Variants in TKT observed in about 807,000 individuals in gnomAD.
TKT encodes epididymis luminal protein 107.
In TKT, 47 loss-of-function variants were observed where a neutral mutation model predicts 63.9. The ratio of observed to expected loss-of-function variants is 0.74; its 90% CI spans 0.58 to 0.94. TKT has a LOEUF of 0.94. TKT is among the 40% of genes least tolerant of loss of function. The pLI is 0.00. For missense variants in TKT, 721 were observed against 846.2 expected, an observed-to-expected ratio of 0.85 and a Z score of 1.84; for synonymous variants, 338 against 334.1, an observed-to-expected ratio of 1.01 and a Z score of -0.13.
intron 3 of TKT, 93 bp from the exon 4 acceptor site, chr3:53,240,441 C>A: frequency 8.3e-7 from 1 of 1,210,838 alleles, no homozygotes. Context: ...GCCCAGCAAG[C>A]CCTTCCTCTG....
chr3:53,253,061 G>C (rs1395821843), intron 1 of TKT, among the ~76,000 whole-genome samples: 1 of 151,892 alleles, frequency 6.6e-6, no homozygotes, highest in African/African-American at 2.4e-5. Flanking sequence ...AGCTGGTCTC[G>C]ATCTCCTGAC....
At chr3:53,245,991 G>T (rs7627444) in intron 1 of TKT, among the ~76,000 whole-genome samples, 22 of 152,046 alleles carry the variant, frequency 1.4e-4, no homozygotes, top group Non-Finnish European at 8.8e-5. Flanking sequence ...AAACAGGCCG[G>T]GCACAGTGGC....
intron 1 of TKT, among the ~76,000 whole-genome samples, chr3:53,244,470 C>A (rs1553680552): frequency 1.3e-5 from 2 of 152,210 alleles, no homozygotes; most frequent in African/African-American, 4.8e-5. Context: ...CCACTGCCAA[C>A]CCTCTCAGCA....
In TKT at chr3:53,240,228, G is replaced by C. The variant is rs1553679479; in HGVS notation, c.437+23C>G. ...CCACTCCCCAAAACTACCCAGGTTG[G>C]GGGTGGGGAGTAGGTGTGTTACCTG... is the stretch of plus-strand genomic sequence containing the variant. On this transcript the variant is annotated intron_variant, in intron 4 of 13. Coordinates refer to ENST00000462138, the MANE Select transcript of TKT (RefSeq NM_001064.4). 3.7e-6 allele frequency: 6 copies of C among 1,603,780 alleles called. No individual in the cohort carries two copies. In the Admixed American group the frequency reaches 1.0e-4, roughly 27 times the overall value.
intron 1 of TKT, 112 bp from the exon 2 acceptor site, chr3:53,242,354 C>G: frequency 9.6e-7 from 1 of 1,036,346 alleles, no homozygotes; most frequent in South Asian, 1.3e-5. Flanking sequence ...TCACACAGGC[C>G]TGGCTTATCA....
intron 3 of TKT, 33 bp downstream of exon 3, chr3:53,241,099 A>G: frequency 1.3e-6 from 2 of 1,507,936 alleles, no homozygotes; most frequent in Non-Finnish European, 1.8e-6. Flanking sequence ...AAGTGGAGGC[A>G]GAGGCATGGG....
At position 53,229,222 on chromosome 3, in the gene TKT, T is replaced by C. The variant is rs1056588322; in HGVS notation, c.1264+58A>G. Reference sequence around the variant, plus strand: ...GGAATCCTGGCCCATCCCCCTCCCATACCTCCTGGTGCAAAAGTCAAGGGA... The same window carrying C: ...GGAATCCTGGCCCATCCCCCTCCCACACCTCCTGGTGCAAAAGTCAAGGGA... On this transcript the variant is annotated intron_variant, in intron 9 of 13. Coordinates refer to ENST00000462138, the MANE Select transcript of TKT (RefSeq NM_001064.4). 48 of 1,608,654 alleles carry C rather than the reference T, an allele frequency of 3.0e-5. No individual in the cohort carries two copies. The South Asian group carries it at 5.1e-4, about 17-fold the overall frequency.
At chr3:53,240,953 C>T (rs1425984765) in intron 3 of TKT, among the ~76,000 whole-genome samples, 179 bp downstream of exon 3, 1 of 152,204 alleles carries the variant, frequency 6.6e-6, no homozygotes, top group African/African-American at 2.4e-5. Context: ...CCCTTTGGCA[C>T]CAGCTTGGGT....
At chr3:53,237,068 CAG>C (rs1374588374) in intron 4 of TKT, among the ~76,000 whole-genome samples, 7 of 152,230 alleles carry the variant, frequency 4.6e-5, no homozygotes, top group African/African-American at 1.4e-4. Flanking sequence ...CTCCATAAAA[CAG>C]AATATTATGT....
At chr3:53,230,687 GCCC>G in intron 7 of TKT, 66 bp from the exon 8 acceptor site, 1 of 1,580,050 alleles carries the variant, frequency 6.3e-7, no homozygotes, top group Non-Finnish European at 8.6e-7. Flanking sequence ...GCAGCCTGGA[GCCC>G]TGCTTTCAGA....
intron 1 of TKT, chr3:53,243,520 C>G: frequency 2.2e-6 from 1 of 454,856 alleles, no homozygotes; most frequent in Non-Finnish European, 4.4e-6. Context: ...GTAGAGAAAT[C>G]CAGAAAACTG....
chr3:53,247,628 C>A, intron 1 of TKT, among the ~76,000 whole-genome samples: 1 of 98,862 alleles, frequency 1.0e-5, no homozygotes, highest in Non-Finnish European at 2.1e-5. Context: ...CAACAGACTC[C>A]ACCTCAAAAA....
chr3:53,230,601 G>A lies in TKT; in HGVS notation c.963C>T (p.Tyr321=), dbSNP rs782018677. The change falls in exon 8 of 14, where the codon TAC becomes TAT. Residue 321 remains tyrosine, a synonymous_variant. Coordinates refer to ENST00000462138, the MANE Select transcript of TKT (RefSeq NM_001064.4). ...GGCCCAGCTTGGCCAGTGCCTGCCC[G>A]TAGGCCTTGCGGGTGGCTATCTGTG... is the stretch of plus-strand genomic sequence containing the variant. ...VGDKIATRKA[Y]GQALAKLGHA... is the part of the protein sequence containing the mutation. 6.2e-6 allele frequency: 10 copies of A among 1,614,210 alleles called. No individual in the cohort carries two copies. Among genetic ancestry groups the A allele is most frequent in the South Asian group, 2.2e-5 (2 of 91,084 alleles).
chr3:53,231,082 T>G (rs1417089124), intron 7 of TKT, among the ~76,000 whole-genome samples: 1 of 152,222 alleles, frequency 6.6e-6, no homozygotes, highest in African/African-American at 2.4e-5. Context: ...ATGCAAGAAC[T>G]TGGGAGTGAG....
chr3:53,247,633 CAAAAAAAAAA>C (rs3075723), intron 1 of TKT, among the ~76,000 whole-genome samples: 2 of 66,986 alleles, frequency 3.0e-5, no homozygotes, highest in African/African-American at 1.3e-4. Flanking sequence ...GACTCCACCT[CAAAAAAAAAA>C]AAAAAAAAAA....
In TKT at chr3:53,225,551, C is replaced by T. The variant is rs1553675231; in HGVS notation, c.*205G>A. On this transcript the variant is annotated 3_prime_UTR_variant, in exon 14 of 14. Transcript: ENST00000462138. ...GGGACACCCAGGTCCTGGCCCAGGA[C>T]CAAGGACACCAGCCTCCCTAGCGCA... is the stretch of plus-strand genomic sequence containing the variant. 2 of 519,000 alleles carry T rather than the reference C, an allele frequency of 3.9e-6. No homozygotes were observed. The highest frequency in any genetic ancestry group is 6.4e-6 in the Non-Finnish European group (2 of 313,172). The allele number at this position is 519,000 out of a possible 1,614,324, so 32.1% of individuals were successfully genotyped here. A position where few individuals can be genotyped will look rare whatever the true frequency, so the allele number is the denominator to read the frequency against.
intron 13 of TKT, chr3:53,226,544 C>A: frequency 1.7e-6 from 1 of 589,792 alleles, no homozygotes; most frequent in South Asian, 2.1e-5. Flanking sequence ...GCAGCAGGAG[C>A]TCCACAGAGC....
chr3:53,248,911 A>G (rs1187307636), intron 1 of TKT, among the ~76,000 whole-genome samples: 1 of 152,114 alleles, frequency 6.6e-6, no homozygotes, highest in Non-Finnish European at 1.5e-5. Flanking sequence ...ATCACTTACA[A>G]TGTTATGATA....
Position 53,250,862 on chromosome 3 carries a change from G to A in TKT, c.107+4974C>T, listed in dbSNP as rs137926689. Among the ~76,000 whole-genome samples, 1,448 of 152,180 alleles carry A rather than the reference G, an allele frequency of 9.5e-3. 25 individuals are homozygous for A. Among genetic ancestry groups the A allele is most frequent in the African/African-American group, 0.033 (1,387 of 41,540 alleles). On this transcript the variant is annotated intron_variant, in intron 1 of 13. Transcript: ENST00000462138. ...AGAGCCATGATCATAACTCACTGCA[G>A]CCTTGAACTCCTGGGCTCAAGTGAT...
Sources: allele counts gnomAD v4.1 joint callset (sites outside exome capture counted in the v4.1 genomes callset), GRCh38; gene constraint gnomAD v4.1.1; transcripts MANE v1.5; gene names NCBI Gene and HGNC (gene_info 2026-07-23, HGNC 2026-07-21).